The following ARFGEF1 variants were observed in gnomAD, a reference collection of about 807,000 sequenced individuals.
ARFGEF1 encodes ARF guanine nucleotide exchange factor 1.
ARFGEF1 carries 42 observed loss-of-function variants against 231.0 expected under a neutral mutation model. That is an observed-to-expected ratio of 0.18 (90% CI 0.14 to 0.24). The LOEUF (loss-of-function observed/expected upper bound fraction) is 0.24, where lower values mean the gene tolerates loss of function less well. ARFGEF1 is among the 10% of genes least tolerant of loss of function. The pLI, the probability that ARFGEF1 is intolerant of heterozygous loss-of-function variation, is 1.00. For synonymous variants in ARFGEF1, 710 were observed against 732.3 expected, an observed-to-expected ratio of 0.97 and a Z score of 0.49; for missense variants, 1,345 against 2,192.0, an observed-to-expected ratio of 0.61 and a Z score of 7.72.
Position 67,178,293 on chromosome 8 carries a change from C to T in ARFGEF1, c.561-2721G>A, listed in dbSNP as rs555690572. ...AAAGAAAATAAGCAAAGGAAGGGAACAGAGAATGATAACACCCACCTGTAT... is the reference window on the plus strand; with the variant it reads ...AAAGAAAATAAGCAAAGGAAGGGAATAGAGAATGATAACACCCACCTGTAT... On this transcript the variant is annotated intron_variant, in intron 5 of 5. Transcript: ENST00000518789. Among the ~76,000 whole-genome samples the T allele has an allele frequency of 3.3e-5, 5 of 152,226 alleles. No individual in the cohort carries two copies. The East Asian group carries it at 7.7e-4, about 24-fold the overall frequency.
In ARFGEF1 at chr8:67,296,713, T is replaced by C. The variant is rs989547938; in HGVS notation, c.460-103A>G. On this transcript the variant is annotated intron_variant, in intron 4 of 38. Coordinates refer to ENST00000262215, the MANE Select transcript of ARFGEF1 (RefSeq NM_006421.5). ...TCACCCAGGCTGGAGTGCAGTAGTG[T>C]GATCATAGTTCACTGCAGCCTTGAA... The C allele has an allele frequency of 7.9e-6, 7 of 886,766 alleles. No homozygotes were observed. In the African/African-American group the frequency reaches 1.2e-4, roughly 15 times the overall value. The allele number at this position is 886,766 out of a possible 1,614,324, so 54.9% of individuals were successfully genotyped here. A position where few individuals can be genotyped will look rare whatever the true frequency, so the allele number is the denominator to read the frequency against.
intron 33 of ARFGEF1, among the ~76,000 whole-genome samples, chr8:67,214,774 T>A (rs575770721): frequency 2.6e-5 from 4 of 152,182 alleles, no homozygotes; most frequent in African/African-American, 7.2e-5. Flanking sequence ...CCAGCAGACA[T>A]ATGGCCAGCC....
At chr8:67,300,101 A>G (rs1251523845) in intron 3 of ARFGEF1, among the ~76,000 whole-genome samples, 1 of 152,182 alleles carries the variant, frequency 6.6e-6, no homozygotes, top group African/African-American at 2.4e-5. Context: ...AATATGTATA[A>G]AACCCAGTTT....
At chr8:67,333,734 A>C (rs2128934963) in intron 1 of ARFGEF1, among the ~76,000 whole-genome samples, 1 of 152,288 alleles carries the variant, frequency 6.6e-6, no homozygotes, top group African/African-American at 2.4e-5. Flanking sequence ...AAAATCTGAA[A>C]CTTTTTGAGA....
intron 29 of ARFGEF1, among the ~76,000 whole-genome samples, chr8:67,222,300 C>T (rs1292918326): frequency 7.0e-6 from 1 of 143,500 alleles, no homozygotes; most frequent in Non-Finnish European, 1.5e-5. Flanking sequence ...GAGTCTTATA[C>T]TGTCACCCTG....
At chr8:67,339,817 T>TAAAAA (rs1808537432) in intron 1 of ARFGEF1, among the ~76,000 whole-genome samples, 2 of 108,386 alleles carry the variant, frequency 1.8e-5, no homozygotes, top group South Asian at 3.2e-4. Flanking sequence ...TTCTTTCTTT[T>TAAAAA]TTAACCATTC....
At chr8:67,272,243 T>G (rs1473980701) in intron 9 of ARFGEF1, among the ~76,000 whole-genome samples, 1 of 152,186 alleles carries the variant, frequency 6.6e-6, no homozygotes, top group African/African-American at 2.4e-5. Context: ...CTCAGCTCAC[T>G]GAAACCTCTG....
chr8:67,314,394 T>C (rs1807210824), intron 1 of ARFGEF1, among the ~76,000 whole-genome samples: 1 of 152,178 alleles, frequency 6.6e-6, no homozygotes, highest in African/African-American at 2.4e-5. Context: ...ATCCCTGTGA[T>C]GCCAGGCAGG....
chr8:67,341,590 C>G (rs904228541), intron 1 of ARFGEF1, among the ~76,000 whole-genome samples: 3 of 152,062 alleles, frequency 2.0e-5, no homozygotes, highest in African/African-American at 7.2e-5. Flanking sequence ...GAGCAAGCCC[C>G]TGTCTCAAAA....
At chr8:67,258,490 A>G (rs926116427) in intron 15 of ARFGEF1, among the ~76,000 whole-genome samples, 200 bp from the exon 16 acceptor site, 8 of 151,812 alleles carry the variant, frequency 5.3e-5, no homozygotes, top group Middle Eastern at 3.2e-3. Context: ...GCGCCCAGCT[A>G]ATTTTTTTTG....
downstream of ARFGEF1, chr8:67,173,710 AC>A (rs1379088002): frequency 6.6e-6 from 1 of 152,224 alleles, no homozygotes; most frequent in Non-Finnish European, 1.5e-5. Context: ...ATTGTTTTTC[AC>A]CTAGATTTAC....
At position 67,229,708 on chromosome 8, in the gene ARFGEF1, C is replaced by T. The variant is rs371659697; in HGVS notation, c.3381-1444G>A. Among the ~76,000 whole-genome samples the T allele has an allele frequency of 5.3e-5, 8 of 152,078 alleles. No individual in the cohort carries two copies. In the South Asian group the frequency reaches 8.3e-4, roughly 16 times the overall value. ...AACAAAAATGAAAACTGCCAGACTA[C>T]GAATTTGGTCAGCTGATTTCTCAAA... On this transcript the variant is annotated intron_variant, in intron 23 of 38. Transcript: ENST00000262215.
intron 14 of ARFGEF1, among the ~76,000 whole-genome samples, chr8:67,263,434 C>T (rs527550361): frequency 6.6e-6 from 1 of 152,278 alleles, no homozygotes; most frequent in Non-Finnish European, 1.5e-5. Flanking sequence ...CCTTCACTAG[C>T]ACGCTAGCGC....
rs539056832 is a variant in ARFGEF1, at chr8:67,270,986, T to C, written c.1572+716A>G. Among the ~76,000 whole-genome samples the C allele has an allele frequency of 1.5e-3, 187 of 124,520 alleles. 1 individual carries two copies. The highest frequency in any genetic ancestry group is 5.5e-3 in the African/African-American group (173 of 31,678). The allele number at this position is 124,520 out of a possible 152,430, so 81.7% of individuals were successfully genotyped here. ...TTGTGCTGAGTCGGAATCGCACCAT[T>C]ACACTCCAGCCTGGGCAATAAGAGG... is the stretch of plus-strand genomic sequence containing the variant. On this transcript the variant is annotated intron_variant, in intron 10 of 38. Transcript: ENST00000262215.
chr8:67,306,121 G>T (rs999628666), intron 1 of ARFGEF1, among the ~76,000 whole-genome samples: 1 of 152,126 alleles, frequency 6.6e-6, no homozygotes. Flanking sequence ...TCTCTTTGGC[G>T]TATCTGAATT....
chr8:67,201,700 C>A, intron 36 of ARFGEF1, 95 bp from the exon 37 acceptor site: 1 of 1,509,186 alleles, frequency 6.6e-7, no homozygotes, highest in South Asian at 1.2e-5. Context: ...TTGTGCTCAG[C>A]CATCAGCATC....
At position 67,198,985 on chromosome 8, in the gene ARFGEF1, A is replaced by G. The variant is rs1397446097; in HGVS notation, c.5499T>C (p.Val1833=). The G allele has an allele frequency of 6.2e-7, 1 of 1,613,132 alleles. No homozygotes were observed. Among genetic ancestry groups the G allele is most frequent in the South Asian group, 1.1e-5 (1 of 90,786 alleles). The change falls in exon 39 of 39, where the codon GTT becomes GTC. Residue 1833 remains valine, a synonymous_variant. Coordinates refer to ENST00000262215, the MANE Select transcript of ARFGEF1 (RefSeq NM_006421.5). The part of the protein sequence containing the change: ...LRRFFLRIGV[V]FQISQPPEQE... ...GTTCAGGTGGTTGTGATATCTGAAA[A>G]ACTACTCCGATTCGCAGAAAAAATC...
chr8:67,246,948 T>C lies in ARFGEF1; in HGVS notation c.2850+4351A>G, dbSNP rs1277776398. 2.0e-5 allele frequency among the ~76,000 whole-genome samples: 3 copies of C among 150,206 alleles called. 1 individual carries two copies. Among genetic ancestry groups the C allele is most frequent in the Non-Finnish European group, 4.4e-5 (3 of 67,730 alleles). On this transcript the variant is annotated intron_variant, in intron 19 of 38. Coordinates refer to ENST00000262215, the MANE Select transcript of ARFGEF1 (RefSeq NM_006421.5). ...ATACCACAGAAATTCAAAGGATTCTTAGTGGCTACTCTGAGCAACTACATG... is the reference window on the plus strand; with the variant it reads ...ATACCACAGAAATTCAAAGGATTCTCAGTGGCTACTCTGAGCAACTACATG...
rs2305671 is a variant in ARFGEF1 at position 67,203,144 on chromosome 8, T to C, written c.5067A>G (p.Ser1689=). The C allele has an allele frequency of 6.2e-7, 1 of 1,614,212 alleles. No homozygotes were observed. Among genetic ancestry groups the C allele is most frequent in the East Asian group, 2.2e-5 (1 of 44,890 alleles). The change falls in exon 36 of 39, where the codon TCA becomes TCG. Residue 1689 remains serine (S), a synonymous_variant. Transcript: ENST00000262215. ...AATTAAACGCTTTTGCAAATCTATG[T>C]GACTCTAATAAGCAGTCCAGTAGCT... The part of the protein sequence containing the change: ...LFKLLDCLLE[S]HRFAKAFNSN...
Sources: allele counts gnomAD v4.1 joint callset (sites outside exome capture counted in the v4.1 genomes callset), GRCh38; gene constraint gnomAD v4.1.1; transcripts MANE v1.5; gene names NCBI Gene and HGNC (gene_info 2026-07-23, HGNC 2026-07-21).